SAMD5: variants seen among roughly 807,000 people sequenced by gnomAD.
SAMD5 encodes the protein sterile alpha motif domain-containing protein 5.
A neutral mutation model predicts 11.3 loss-of-function variants in SAMD5; 13 were observed. That is an observed-to-expected ratio of 1.15 (90% confidence interval 0.75 to 1.83). The LOEUF (loss-of-function observed/expected upper bound fraction) is 1.83. Among genes scored for constraint, SAMD5 ranks in the 40% most tolerant of loss-of-function variants. SAMD5 has a pLI of 0.00. For synonymous variants in SAMD5, 129 were observed against 111.3 expected, an observed-to-expected ratio of 1.16 and a Z score of -1.00; for missense variants, 255 against 239.1, an observed-to-expected ratio of 1.07 and a Z score of -0.44.
the SAMD5 span, among the ~76,000 whole-genome samples, chr6:147,797,480 T>C: frequency 1.8e-4 from 15 of 84,486 alleles, 6 homozygotes; most frequent in Non-Finnish European, 2.7e-4. Flanking sequence ...CAGTATTTTA[T>C]TGAGGATTTT....
chr6:147,638,489 G>C (rs1047068679), intron 1 of SAMD5, among the ~76,000 whole-genome samples: 9 of 152,318 alleles, frequency 5.9e-5, no homozygotes, highest in Middle Eastern at 3.4e-3. Context: ...ACCCTGATGA[G>C]GAATGGAAGA....
chr6:147,597,942 C>G (rs1333316329), intron 1 of SAMD5, among the ~76,000 whole-genome samples: 1 of 152,152 alleles, frequency 6.6e-6, no homozygotes, highest in African/African-American at 2.4e-5. Context: ...TCAGAGCACC[C>G]CAGCCCTGCA....
In SAMD5 at chr6:147,509,401, G is replaced by C. The variant is rs1032136213; in HGVS notation, c.459+14G>C. 1 of 1,508,872 alleles carries C rather than the reference G, an allele frequency of 6.6e-7. No individual in the cohort carries two copies. The highest frequency in any genetic ancestry group is 8.9e-7 in the Non-Finnish European group (1 of 1,129,044). The allele number at this position is 1,508,872 out of a possible 1,614,324, so 93.5% of individuals were successfully genotyped here. ...TACTCCCGCAAGGTAAGGAGGTGCC[G>C]TCCGGGCGGCCCGGGGCGCGCGGCG... On this transcript the variant is annotated intron_variant, in intron 1 of 1. Transcript: ENST00000367474.
intron 1 of SAMD5, among the ~76,000 whole-genome samples, chr6:147,722,382 G>T (rs1336880589): frequency 6.6e-6 from 1 of 151,900 alleles, no homozygotes; most frequent in East Asian, 1.9e-4. Flanking sequence ...TTTCCCCTAA[G>T]GCTGTATTGG....
intron 1 of SAMD5, among the ~76,000 whole-genome samples, chr6:147,693,899 G>A (rs1403677066): frequency 2.0e-5 from 3 of 152,174 alleles, no homozygotes; most frequent in Non-Finnish European, 4.4e-5. Flanking sequence ...AACCTAGGAG[G>A]TGGAGGTTGC....
rs148234927 is a variant in SAMD5 at position 147,582,156 on chromosome 6, C to T, written c.162+72769C>T. On this transcript the variant is annotated intron_variant, in intron 1 of 1. Coordinates refer to the SAMD5 transcript ENST00000566741. ...GGTGGATCATCTGAGGTCAGAAGTT[C>T]GAGACCAGGCTGACCAACATGGTGA... Among the ~76,000 whole-genome samples the T allele has an allele frequency of 4.6e-3, 705 of 151,982 alleles. 6 individuals are homozygous for T. Among genetic ancestry groups the T allele is most frequent in the African/African-American group, 0.016 (665 of 41,432 alleles).
At chr6:147,611,449 G>C (rs926732307) in intron 1 of SAMD5, among the ~76,000 whole-genome samples, 30 of 152,020 alleles carry the variant, frequency 2.0e-4, no homozygotes, top group African/African-American at 7.2e-4. Context: ...TGTAATCCCA[G>C]CTACTCAGGA....
the SAMD5 span, among the ~76,000 whole-genome samples, chr6:147,934,836 G>T: frequency 3.9e-5 from 6 of 152,260 alleles, no homozygotes; most frequent in South Asian, 8.3e-4. Flanking sequence ...AGGTTTTATT[G>T]TGGTCAGTAG....
chr6:147,734,603 C>T (rs1791764610), intron 1 of SAMD5, among the ~76,000 whole-genome samples: 2 of 149,912 alleles, frequency 1.3e-5, no homozygotes, highest in Admixed American at 1.3e-4. Context: ...GTCCCAGCTA[C>T]TCGGGAGGCT....
intron 1 of SAMD5, among the ~76,000 whole-genome samples, chr6:147,663,954 CAG>C (rs999687586): frequency 2.8e-5 from 4 of 143,706 alleles, no homozygotes; most frequent in African/African-American, 7.8e-5. Context: ...AAATTTGTAA[CAG>C]AACGTCACAT....
chr6:147,865,813 T>TA, the SAMD5 span, among the ~76,000 whole-genome samples: 1 of 152,174 alleles, frequency 6.6e-6, no homozygotes, highest in Non-Finnish European at 1.5e-5. Context: ...ATGTTTTGAG[T>TA]AAAAAATCCA....
chr6:147,670,893 G>A (rs754038268), intron 1 of SAMD5, among the ~76,000 whole-genome samples: 12 of 152,142 alleles, frequency 7.9e-5, no homozygotes, highest in East Asian at 3.9e-4. Flanking sequence ...CTTTGCATTC[G>A]CATCTTTCCT....
At chr6:147,802,641 T>C in the SAMD5 span, among the ~76,000 whole-genome samples, 2 of 152,186 alleles carry the variant, frequency 1.3e-5, no homozygotes, top group Non-Finnish European at 2.9e-5. Context: ...AGTCTAAAAC[T>C]GAAAACAAGC....
In SAMD5 at chr6:147,732,906, C is replaced by T. The variant is rs1195049876; in HGVS notation, c.163-4411C>T. ...AATGAATTATTCACTCTAAATGATA[C>T]ACAGAACTGGTTGTAAATTGTAATT... On this transcript the variant is annotated intron_variant, in intron 1 of 1. Transcript: ENST00000566741. 3.3e-5 allele frequency among the ~76,000 whole-genome samples: 5 copies of T among 152,176 alleles called. No individual in the cohort carries two copies. The East Asian group carries it at 9.6e-4, about 29-fold the overall frequency.
intron 1 of SAMD5, among the ~76,000 whole-genome samples, chr6:147,671,704 TA>T: frequency 6.6e-6 from 1 of 152,304 alleles, no homozygotes; most frequent in East Asian, 1.9e-4. Flanking sequence ...TCTGTTTTCA[TA>T]AAAATTTTGG....
the SAMD5 span, among the ~76,000 whole-genome samples, chr6:147,936,110 G>C: frequency 4.6e-5 from 7 of 152,052 alleles, no homozygotes; most frequent in Non-Finnish European, 1.0e-4. Context: ...GTAGTTTCTC[G>C]ATACAGATGG....
chr6:147,900,159 G>A, the SAMD5 span, among the ~76,000 whole-genome samples: 1 of 152,160 alleles, frequency 6.6e-6, no homozygotes, highest in African/African-American at 2.4e-5. Flanking sequence ...CTGTACTAGG[G>A]AATGATTGTA....
chr6:147,607,029 G>T (rs1434040476), intron 1 of SAMD5, among the ~76,000 whole-genome samples: 1 of 151,104 alleles, frequency 6.6e-6, no homozygotes, highest in African/African-American at 2.4e-5. Context: ...AAGTAGCAAG[G>T]CTAACTCCAG....
the SAMD5 span, among the ~76,000 whole-genome samples, chr6:147,767,643 G>A: frequency 6.6e-6 from 1 of 152,198 alleles, no homozygotes; most frequent in East Asian, 1.9e-4. Context: ...GACACAGCAA[G>A]AAGGTGACCA....
Sources: gnomAD v4.1 joint callset for allele counts (sites outside exome capture counted in the v4.1 genomes callset) on GRCh38, gnomAD v4.1.1 for gene constraint, MANE v1.5 for transcripts, NCBI Gene and HGNC (gene_info 2026-07-23, HGNC 2026-07-21) for gene names.